PTPRA: variants seen among roughly 807,000 people sequenced by gnomAD.
PTPRA encodes protein tyrosine phosphatase receptor type A, also known as receptor-type tyrosine-protein phosphatase alpha.
A neutral mutation model predicts 104.8 loss-of-function variants in PTPRA; 25 were observed. The ratio of observed to expected loss-of-function variants is 0.24; its 90% CI spans 0.17 to 0.33. The LOEUF is 0.33. PTPRA is among the 10% of genes least tolerant of loss of function. The pLI is 1.00. For missense variants in PTPRA, 765 were observed against 1,015.3 expected (o/e 0.75, Z 3.35); for synonymous variants, 323 against 368.9 (o/e 0.88, Z 1.43).
chr20:3,030,264 A>C (rs200477441), intron 20 of PTPRA, among the ~76,000 whole-genome samples: 3 of 152,092 alleles, frequency 2.0e-5, no homozygotes, highest in Non-Finnish European at 2.9e-5. Context: ...GGCGGTGGGG[A>C]GAAGAGTCGT....
At chr20:2,928,064 T>C (rs1483930049) in intron 2 of PTPRA, among the ~76,000 whole-genome samples, 1 of 152,196 alleles carries the variant, frequency 6.6e-6, no homozygotes, top group Non-Finnish European at 1.5e-5. Flanking sequence ...TCAAGTCACT[T>C]ACTGAGAGAA....
intron 9 of PTPRA, among the ~76,000 whole-genome samples, chr20:2,989,996 A>G (rs779799786): frequency 7.2e-5 from 11 of 152,304 alleles, no homozygotes; most frequent in South Asian, 4.1e-4. Context: ...CAGCCTGGGC[A>G]ACAGAGGGAG....
intron 1 of PTPRA, among the ~76,000 whole-genome samples, chr20:2,882,402 A>T (rs560594447): frequency 6.7e-6 from 1 of 149,670 alleles, no homozygotes; most frequent in South Asian, 2.1e-4. Context: ...TGATCATCCT[A>T]CCTCAGCCTC....
chr20:2,875,493 A>G (rs2089661776), intron 1 of PTPRA, among the ~76,000 whole-genome samples: 1 of 152,156 alleles, frequency 6.6e-6, no homozygotes. Flanking sequence ...CAGTACATTC[A>G]TGTGTCTTCC....
chr20:2,923,805 A>T (rs2060188975), intron 2 of PTPRA, among the ~76,000 whole-genome samples: 1 of 152,160 alleles, frequency 6.6e-6, no homozygotes, highest in Non-Finnish European at 1.5e-5. Context: ...TTCTCAAAAA[A>T]ATAAAAATAA....
At chr20:2,948,814 T>C (rs533485784) in intron 3 of PTPRA, among the ~76,000 whole-genome samples, 14 of 152,082 alleles carry the variant, frequency 9.2e-5, no homozygotes, top group South Asian at 4.1e-4. Flanking sequence ...TAGCTGGGCG[T>C]GGTGGCGGGC....
At chr20:2,973,935 G>A (rs2062305658) in intron 5 of PTPRA, among the ~76,000 whole-genome samples, 1 of 151,366 alleles carries the variant, frequency 6.6e-6, no homozygotes, top group Non-Finnish European at 1.5e-5. Context: ...TTCCATTTTG[G>A]GTTTTTTGTT....
chr20:2,901,239 GA>G (rs2059224808), intron 1 of PTPRA, among the ~76,000 whole-genome samples: 1 of 152,056 alleles, frequency 6.6e-6, no homozygotes, highest in Non-Finnish European at 1.5e-5. Context: ...AAATTGCTGG[GA>G]TTACAGGCAT....
intron 6 of PTPRA, among the ~76,000 whole-genome samples, chr20:2,977,127 T>C (rs1471912372): frequency 6.6e-6 from 1 of 151,634 alleles, no homozygotes; most frequent in Non-Finnish European, 1.5e-5. Context: ...AATACAAAAA[T>C]TAGCCGGGCG....
At chr20:2,864,307 G>A in the PTPRA span, 9 of 1,613,956 alleles carry the variant, frequency 5.6e-6, no homozygotes, top group African/African-American at 1.1e-4. This position sits in a 1 kb window ranked among gnomAD's most constrained non-coding sequence, Gnocchi z 5.2. Context: ...AGGCTGGGGG[G>A]CCCCTGGGCT....
chr20:3,005,123 A>G lies in PTPRA; in HGVS notation c.806A>G (p.Asn269Ser). 1 of 1,606,850 alleles carries G rather than the reference A, an allele frequency of 6.2e-7. No individual in the cohort carries two copies. Among genetic ancestry groups the G allele is most frequent in the Non-Finnish European group, 8.5e-7 (1 of 1,173,352 alleles). Residue 269 changes from asparagine (N) to serine (S), a missense_variant, in exon 10 of 24, where the codon AAT becomes AGT. Physicochemically the swap from Asn to Ser is conservative, Grantham distance 46. This residue lies in a region of PTPRA where 245 missense variants were observed against 398.7 expected (regional missense o/e 0.61). Transcript: ENST00000399903. ...AASKEENKEKNRYVNILPYDH... is the reference protein window; with the variant it reads ...AASKEENKEKSRYVNILPYDH... ...TCCAAGGAGGAAAACAAGGAAAAAA[A>G]TCGATATGTAAACATCTTGCCTTGT... is the stretch of plus-strand genomic sequence containing the variant.
intron 9 of PTPRA, among the ~76,000 whole-genome samples, chr20:2,989,411 G>A (rs965915378): frequency 6.6e-6 from 1 of 152,100 alleles, no homozygotes; most frequent in Non-Finnish European, 1.5e-5. Flanking sequence ...CTGACCTGGC[G>A]ACAGAGCGAG....
At chr20:2,976,683 A>G (rs1308201971) in intron 6 of PTPRA, among the ~76,000 whole-genome samples, 1 of 152,206 alleles carries the variant, frequency 6.6e-6, no homozygotes, top group Non-Finnish European at 1.5e-5. Context: ...ATTTTACCAG[A>G]GCAGATCTTT....
chr20:2,944,506 C>G (rs565595941), intron 2 of PTPRA, among the ~76,000 whole-genome samples: 2 of 152,316 alleles, frequency 1.3e-5, no homozygotes, highest in Admixed American at 6.5e-5. Flanking sequence ...ATTATGACAG[C>G]AGTGTTCCCA....
intron 3 of PTPRA, among the ~76,000 whole-genome samples, chr20:2,962,508 A>C (rs2061790982): frequency 6.6e-6 from 1 of 152,204 alleles, no homozygotes; most frequent in African/African-American, 2.4e-5. Flanking sequence ...TAATTTATCA[A>C]GAATAGACAT....
chr20:2,936,691 T>G (rs2060715116), intron 2 of PTPRA, among the ~76,000 whole-genome samples: 1 of 152,192 alleles, frequency 6.6e-6, no homozygotes, highest in African/African-American at 2.4e-5. Context: ...CAGGCTGGTC[T>G]CGAAGTCTTG....
chr20:3,000,034 C>T (rs2063561015), intron 9 of PTPRA, among the ~76,000 whole-genome samples: 1 of 152,034 alleles, frequency 6.6e-6, no homozygotes, highest in African/African-American at 2.4e-5. Context: ...GCCTGTAATC[C>T]CAGCACTTTG....
At chr20:2,884,956 C>T (rs2090297216) in intron 1 of PTPRA, among the ~76,000 whole-genome samples, 1 of 151,920 alleles carries the variant, frequency 6.6e-6, no homozygotes, top group Non-Finnish European at 1.5e-5. Flanking sequence ...ACTACAGGCG[C>T]CCCCCACCAC....
intron 20 of PTPRA, among the ~76,000 whole-genome samples, chr20:3,028,188 G>T (rs1022069145): frequency 2.6e-5 from 4 of 152,026 alleles, no homozygotes; most frequent in Admixed American, 2.0e-4. Context: ...CCAGGCGGGG[G>T]GGGCACCCTC....
Sources: allele counts gnomAD v4.1 joint callset (sites outside exome capture counted in the v4.1 genomes callset), GRCh38; gene constraint gnomAD v4.1.1; regional missense constraint gnomAD v4.1.1; non-coding constraint Gnocchi (gnomAD v3.1); transcripts MANE v1.5; gene names NCBI Gene and HGNC (gene_info 2026-07-23, HGNC 2026-07-21).